The following TMEM38B variants were observed in gnomAD, a reference collection of about 807,000 sequenced individuals.
The protein encoded by TMEM38B is trimeric intracellular cation channel type B.
Under a neutral mutation model 28.7 loss-of-function variants are expected in TMEM38B, and 24 were observed. That is an observed-to-expected ratio of 0.84 (90% confidence interval 0.61 to 1.18). The LOEUF is 1.18. Ranked by LOEUF, TMEM38B falls within the 50% of genes most tolerant of loss-of-function variation. TMEM38B has a pLI of 0.00. For missense variants in TMEM38B, 380 were observed against 350.9 expected (o/e 1.08, Z -0.66); for synonymous variants, 131 against 127.7 (o/e 1.03, Z -0.17).
intron 5 of TMEM38B, among the ~76,000 whole-genome samples, chr9:105,770,906 AT>A (rs1223617319): frequency 6.6e-6 from 1 of 152,176 alleles, no homozygotes; most frequent in Non-Finnish European, 1.5e-5. Flanking sequence ...AGTAGATGTT[AT>A]ATTTATTCAT....
At chr9:105,706,224 A>G (rs1293862641) in intron 2 of TMEM38B, among the ~76,000 whole-genome samples, 3 of 152,150 alleles carry the variant, frequency 2.0e-5, no homozygotes, top group Admixed American at 1.3e-4. Flanking sequence ...AGTGTAAAGT[A>G]TATCTCTTTC....
At chr9:105,756,365 AG>A (rs1437093312) in intron 5 of TMEM38B, among the ~76,000 whole-genome samples, 2 of 152,130 alleles carry the variant, frequency 1.3e-5, no homozygotes, top group Admixed American at 1.3e-4. Context: ...GATCTTAGGG[AG>A]AAAGCATTTG....
At chr9:105,701,020 T>C (rs867317134) in intron 1 of TMEM38B, 10 of 152,098 alleles carry the variant, frequency 6.6e-5, no homozygotes, top group African/African-American at 2.4e-4. Flanking sequence ...GTCTGGGCTC[T>C]AAAGAGCTCC....
In TMEM38B at chr9:105,721,565, C is replaced by G. The variant is rs1836318923; in HGVS notation, c.298C>G (p.Leu100Val). ...TATTACATTTTTTTGCCCGCATGAC[C>G]TAGTTTCCCAGGGCTATTCATATCT... ...WYITFFCPHD[L>V]VSQGYSYLPV... Residue 100 changes from leucine to valine, a missense_variant, in exon 3 of 6, where the codon CTA becomes GTA. Coordinates refer to ENST00000374692, the MANE Select transcript of TMEM38B (RefSeq NM_018112.3). 1.9e-6 allele frequency: 3 copies of G among 1,605,034 alleles called. No homozygotes were observed. Among genetic ancestry groups the G allele is most frequent in the Non-Finnish European group, 2.6e-6 (3 of 1,176,104 alleles).
chr9:105,702,373 G>A (rs1835490928), intron 1 of TMEM38B, among the ~76,000 whole-genome samples: 1 of 152,170 alleles, frequency 6.6e-6, no homozygotes, highest in South Asian at 2.1e-4. Context: ...TCAGCCACTA[G>A]CAAGTTGAAT....
chr9:105,722,041 G>T (rs1836337815), intron 3 of TMEM38B, among the ~76,000 whole-genome samples: 2 of 152,126 alleles, frequency 1.3e-5, no homozygotes, highest in South Asian at 4.1e-4. Context: ...AAGAAATTAT[G>T]TGGTACATAT....
chr9:105,750,008 C>T (rs1480073419), intron 5 of TMEM38B, among the ~76,000 whole-genome samples: 1 of 152,194 alleles, frequency 6.6e-6, no homozygotes, highest in Non-Finnish European at 1.5e-5. Flanking sequence ...TCCAATTTCA[C>T]CACACCATTA....
At chr9:105,708,942 A>T (rs1835785406) in intron 2 of TMEM38B, among the ~76,000 whole-genome samples, 1 of 150,920 alleles carries the variant, frequency 6.6e-6, no homozygotes, top group Non-Finnish European at 1.5e-5. Context: ...TAATGTTTAA[A>T]ATTTTTATAT....
intron 4 of TMEM38B, among the ~76,000 whole-genome samples, chr9:105,737,336 G>A (rs991173953): frequency 2.9e-5 from 4 of 137,928 alleles, no homozygotes; most frequent in African/African-American, 9.9e-5. Context: ...GGCCTGAGTC[G>A]CAGGGAGTAA....
chr9:105,748,774 C>A (rs544251362), intron 5 of TMEM38B, among the ~76,000 whole-genome samples: 1 of 152,122 alleles, frequency 6.6e-6, no homozygotes, highest in Non-Finnish European at 1.5e-5. Flanking sequence ...GGAGAGGATG[C>A]ATGTCTTTCT....
At chr9:105,730,596 G>T (rs546041683) in intron 4 of TMEM38B, among the ~76,000 whole-genome samples, 25 of 152,308 alleles carry the variant, frequency 1.6e-4, no homozygotes, top group African/African-American at 5.8e-4. Context: ...AGTTAGGGAG[G>T]ATTCCCTCTT....
intron 5 of TMEM38B, among the ~76,000 whole-genome samples, chr9:105,772,304 T>C (rs1362504255): frequency 6.6e-6 from 1 of 152,172 alleles, no homozygotes; most frequent in Non-Finnish European, 1.5e-5. Flanking sequence ...CTCACTTCCA[T>C]GCGACATCCT....
In TMEM38B at chr9:105,722,574, AAAAGGAG is replaced by A. The variant is rs1197217229; in HGVS notation, c.497_503del (p.Lys166IlefsTer10). 3 of 1,613,612 alleles carry A rather than the reference AAAAGGAG, an allele frequency of 1.9e-6. No homozygotes were observed. Among genetic ancestry groups the A allele is most frequent in the Non-Finnish European group, 2.5e-6 (3 of 1,179,812 alleles). On this transcript the variant is annotated frameshift_variant, in exon 4 of 6. Coordinates refer to ENST00000374692, the MANE Select transcript of TMEM38B (RefSeq NM_018112.3). LOFTEE classifies it high-confidence loss of function. ...TTATAACGAATTTTGAGAGGTTGGT[AAAAGGAG>A]ATTGGAAACCAGAAGGTGATGAATG...
chr9:105,720,730 G>C (rs1190920270), intron 2 of TMEM38B, among the ~76,000 whole-genome samples: 1 of 151,968 alleles, frequency 6.6e-6, no homozygotes, highest in Non-Finnish European at 1.5e-5. Context: ...TATTTACCCC[G>C]TTAGAAAGAA....
intron 5 of TMEM38B, among the ~76,000 whole-genome samples, chr9:105,765,966 T>G (rs911825365): frequency 2.6e-5 from 4 of 152,106 alleles, no homozygotes; most frequent in African/African-American, 9.7e-5. Flanking sequence ...CACGCCTGGC[T>G]AATTTTTCAT....
At chr9:105,742,683 A>C (rs1837249181) in intron 4 of TMEM38B, among the ~76,000 whole-genome samples, 1 of 152,148 alleles carries the variant, frequency 6.6e-6, no homozygotes, top group African/African-American at 2.4e-5. Flanking sequence ...TGTTCCTTAG[A>C]CTCAACCCTT....
intron 5 of TMEM38B, among the ~76,000 whole-genome samples, chr9:105,772,635 C>T (rs1232612061): frequency 6.6e-6 from 1 of 151,876 alleles, no homozygotes; most frequent in Admixed American, 6.6e-5. Context: ...CATGACTGGC[C>T]TGAAGTCCAT....
chr9:105,716,487 C>T (rs1209096984), intron 2 of TMEM38B, among the ~76,000 whole-genome samples: 1 of 152,034 alleles, frequency 6.6e-6, no homozygotes, highest in Non-Finnish European at 1.5e-5. Context: ...CACCTTGTTG[C>T]TTTCTTCTTT....
chr9:105,754,331 A>T (rs1166342619), intron 5 of TMEM38B, among the ~76,000 whole-genome samples: 4 of 152,242 alleles, frequency 2.6e-5, no homozygotes, highest in African/African-American at 9.6e-5. Context: ...AACAGAATGT[A>T]CATTCTTCTC....
Sources: gnomAD v4.1 joint callset for allele counts (sites outside exome capture counted in the v4.1 genomes callset) on GRCh38, gnomAD v4.1.1 for gene constraint, MANE v1.5 for transcripts, NCBI Gene and HGNC (gene_info 2026-07-23, HGNC 2026-07-21) for gene names.